SLC8A1: variants seen among roughly 807,000 people sequenced by gnomAD.
SLC8A1 encodes the protein sodium/calcium exchanger 1.
A neutral mutation model predicts 68.3 loss-of-function variants in SLC8A1; 18 were observed. The ratio of observed to expected loss-of-function variants is 0.26; its 90% confidence interval spans 0.18 to 0.39. The LOEUF (loss-of-function observed/expected upper bound fraction) is 0.39. Ranked by LOEUF, SLC8A1 falls within the 10% of genes least tolerant of loss-of-function variation. The probability of loss-of-function intolerance (pLI) is 1.00; values close to 1 mark genes in which losing one functional copy is unlikely to be tolerated. For missense variants in SLC8A1, 985 were observed against 1,156.7 expected, an observed-to-expected ratio of 0.85 and a Z score of 2.15; for synonymous variants, 475 against 415.5, an observed-to-expected ratio of 1.14 and a Z score of -1.74.
intron 7 of SLC8A1, among the ~76,000 whole-genome samples, chr2:40,124,993 G>C (rs1326456515): frequency 6.6e-6 from 1 of 152,216 alleles, no homozygotes; most frequent in Non-Finnish European, 1.5e-5. Context: ...GCAAATGGCT[G>C]AATGTAGATG....
chr2:40,207,921 C>CAAAGT (rs2055793743), intron 2 of SLC8A1, among the ~76,000 whole-genome samples: 1 of 152,060 alleles, frequency 6.6e-6, no homozygotes. Flanking sequence ...TGCACATATT[C>CAAAGT]AAAGTATGCT....
intron 2 of SLC8A1, among the ~76,000 whole-genome samples, chr2:40,185,765 T>C (rs1298454058): frequency 6.6e-6 from 1 of 152,206 alleles, no homozygotes; most frequent in Admixed American, 6.5e-5. Flanking sequence ...AAATTATGTC[T>C]TAATAAAGCT....
intron 1 of SLC8A1, among the ~76,000 whole-genome samples, chr2:40,491,975 C>A (rs1033170534): frequency 2.6e-5 from 4 of 152,056 alleles, no homozygotes; most frequent in African/African-American, 7.2e-5. Flanking sequence ...ACTTTCTTCA[C>A]AGAATTGGAA....
chr2:40,264,010 AC>A (rs1273899876), intron 2 of SLC8A1, among the ~76,000 whole-genome samples: 1 of 152,170 alleles, frequency 6.6e-6, no homozygotes, highest in Non-Finnish European at 1.5e-5. Context: ...CAAGAAAAAA[AC>A]AAACAACCCC....
chr2:40,456,087 C>G (rs889063279), upstream of SLC8A1, among the ~76,000 whole-genome samples: 9 of 152,076 alleles, frequency 5.9e-5, no homozygotes, highest in Non-Finnish European at 8.8e-5. Context: ...GAGGTTGAGG[C>G]GGGTGGATCA....
intron 2 of SLC8A1, among the ~76,000 whole-genome samples, chr2:40,287,782 C>T (rs996423698): frequency 2.0e-5 from 3 of 151,736 alleles, no homozygotes; most frequent in Non-Finnish European, 2.9e-5. Flanking sequence ...ACATCCTGGT[C>T]CTAGAGGGCA....
At chr2:40,372,944 T>A (rs1294513911) in intron 2 of SLC8A1, among the ~76,000 whole-genome samples, 1 of 151,868 alleles carries the variant, frequency 6.6e-6, no homozygotes, top group Non-Finnish European at 1.5e-5. Context: ...AGAGGTATTA[T>A]GGGAACACAA....
intron 2 of SLC8A1, chr2:40,250,627 A>G (rs2062591043): frequency 6.6e-6 from 1 of 152,186 alleles, no homozygotes; most frequent in Non-Finnish European, 1.5e-5. Flanking sequence ...CTTATGGAAC[A>G]TAATTTGGTC....
chr2:40,333,351 T>C (rs1490731010), intron 2 of SLC8A1, among the ~76,000 whole-genome samples: 2 of 137,400 alleles, frequency 1.5e-5, no homozygotes, highest in Non-Finnish European at 3.0e-5. Context: ...GGCAGGAGAA[T>C]CCCTTGAACC....
chr2:40,272,158 G>A (rs1469360520), intron 2 of SLC8A1, among the ~76,000 whole-genome samples: 1 of 152,122 alleles, frequency 6.6e-6, no homozygotes. Context: ...ATGAGCCACT[G>A]CACCTGGCCA....
At chr2:40,114,295 C>T (rs1456235400) in exon 8 of SLC8A1, 1 of 152,750 alleles carries the variant, frequency 6.5e-6, no homozygotes, top group African/African-American at 2.4e-5. Flanking sequence ...CAGACAATCC[C>T]AAGCAACGGC....
intron 2 of SLC8A1, among the ~76,000 whole-genome samples, chr2:40,183,189 C>A (rs1428344786): frequency 6.6e-6 from 1 of 152,172 alleles, no homozygotes; most frequent in Non-Finnish European, 1.5e-5. Flanking sequence ...CAAAGTGAGT[C>A]TCCTGTGACT....
At chr2:40,184,000 C>CA (rs1005895658) in intron 2 of SLC8A1, among the ~76,000 whole-genome samples, 1 of 151,758 alleles carries the variant, frequency 6.6e-6, no homozygotes, top group African/African-American at 2.4e-5. Flanking sequence ...TACGAAAAAT[C>CA]AAAAAAACAA....
intron 2 of SLC8A1, among the ~76,000 whole-genome samples, chr2:40,271,005 T>C (rs773763880): frequency 5.3e-5 from 8 of 152,166 alleles, no homozygotes; most frequent in Non-Finnish European, 1.0e-4. Flanking sequence ...AGGTATACCC[T>C]AATCTTCCTC....
rs1705300291 is a variant in SLC8A1, at chr2:40,491,293, A to G, written c.-25+21056T>C. On this transcript the variant is annotated intron_variant, in intron 1 of 7. Coordinates refer to the SLC8A1 transcript ENST00000402441. ...TGATTTGGTTCTCTGTTTGTCTGTTATTGGTGTATAAGAATGCTTGTGATT... is the reference window on the plus strand; with the variant it reads ...TGATTTGGTTCTCTGTTTGTCTGTTGTTGGTGTATAAGAATGCTTGTGATT... Among the ~76,000 whole-genome samples the G allele has an allele frequency of 4.6e-5, 7 of 152,146 alleles. No individual in the cohort carries two copies. The East Asian group carries it at 1.4e-3, about 30-fold the overall frequency.
At chr2:40,275,551 G>C (rs1425879485) in intron 2 of SLC8A1, among the ~76,000 whole-genome samples, 1 of 152,172 alleles carries the variant, frequency 6.6e-6, no homozygotes, top group Non-Finnish European at 1.5e-5. Context: ...GAGGAACGCT[G>C]GGTTGAAAGC....
intron 2 of SLC8A1, among the ~76,000 whole-genome samples, chr2:40,222,653 A>G (rs2058486849): frequency 1.3e-5 from 2 of 152,244 alleles, no homozygotes; most frequent in African/African-American, 4.8e-5. Context: ...CAGAATCTAC[A>G]AAGAACTTTA....
At chr2:40,477,339 C>A (rs1286553970) in intron 1 of SLC8A1, among the ~76,000 whole-genome samples, 1 of 152,152 alleles carries the variant, frequency 6.6e-6, no homozygotes, top group Admixed American at 6.5e-5. Context: ...CTAGAACCTT[C>A]TGAACACATG....
chr2:40,285,117 C>T (rs1314476653), intron 2 of SLC8A1, among the ~76,000 whole-genome samples: 2 of 152,100 alleles, frequency 1.3e-5, no homozygotes, highest in Non-Finnish European at 2.9e-5. Flanking sequence ...ATTTATTAAG[C>T]TTCTGGTAGC....
Sources: gnomAD v4.1 joint callset for allele counts (sites outside exome capture counted in the v4.1 genomes callset) on GRCh38, gnomAD v4.1.1 for gene constraint, MANE v1.5 for transcripts, NCBI Gene and HGNC (gene_info 2026-07-23, HGNC 2026-07-21) for gene names.